Variants in PTP4A1 observed in about 807,000 individuals in gnomAD.
The protein encoded by PTP4A1 is protein tyrosine phosphatase 4A1.
Under a neutral mutation model 20.5 loss-of-function variants are expected in PTP4A1, and 9 were observed. The observed-to-expected ratio is 0.44, with a 90% confidence interval of 0.26 to 0.77. PTP4A1 has a LOEUF of 0.77. PTP4A1 is among the 30% of genes least tolerant of loss of function. The probability of loss-of-function intolerance (pLI) is 0.19; values close to 1 mark genes in which losing one functional copy is unlikely to be tolerated. For missense variants in PTP4A1, 137 were observed against 218.8 expected (o/e 0.63, Z 2.36); for synonymous variants, 78 against 67.4 (o/e 1.16, Z -0.77).
upstream of PTP4A1, chr6:63,571,239 A>G (rs900890457): frequency 3.3e-5 from 5 of 152,220 alleles, no homozygotes; most frequent in Admixed American, 3.3e-4. Flanking sequence ...GTCTCTAAAT[A>G]GAAGTTCTAA....
chr6:63,568,197 T>A (rs756059445), upstream of PTP4A1, among the ~76,000 whole-genome samples: 3 of 152,244 alleles, frequency 2.0e-5, no homozygotes, highest in Non-Finnish European at 4.4e-5. Context: ...CTTGACTGTT[T>A]TGGGTATGAG....
At chr6:63,556,600 G>A (rs1270392022) in intron 3 of PTP4A1, among the ~76,000 whole-genome samples, 3 of 152,160 alleles carry the variant, frequency 2.0e-5, no homozygotes, top group Non-Finnish European at 4.4e-5. Context: ...GATACCACAG[G>A]GGAAGTTAAG....
intron 2 of PTP4A1, among the ~76,000 whole-genome samples, chr6:63,529,802 T>C (rs528556414): frequency 1.3e-5 from 2 of 152,228 alleles, no homozygotes; most frequent in South Asian, 4.1e-4. Flanking sequence ...CCACATCCTA[T>C]ATTGGCAAAA....
At chr6:63,578,652 TATA>T in intron 3 of PTP4A1, 123 bp downstream of exon 3, 1 of 1,342,220 alleles carries the variant, frequency 7.5e-7, no homozygotes, top group Non-Finnish European at 9.9e-7. Flanking sequence ...AAACAAATAT[TATA>T]TTATTGTGCA....
intron 1 of PTP4A1, among the ~76,000 whole-genome samples, chr6:63,525,054 A>G (rs1370963403): frequency 1.3e-5 from 2 of 152,254 alleles, no homozygotes; most frequent in Admixed American, 6.5e-5. Context: ...TAGACAGACT[A>G]GAGCAGCATT....
chr6:63,570,001 G>A (rs1777350761), upstream of PTP4A1, among the ~76,000 whole-genome samples: 1 of 152,196 alleles, frequency 6.6e-6, no homozygotes, highest in South Asian at 2.1e-4. Flanking sequence ...CCTCAGCATA[G>A]CAGTGAACCA....
intron 3 of PTP4A1, among the ~76,000 whole-genome samples, chr6:63,557,328 G>C (rs1338331951): frequency 6.6e-6 from 1 of 152,174 alleles, no homozygotes; most frequent in Non-Finnish European, 1.5e-5. Context: ...AACTTTGGGA[G>C]GCCAATGCAG....
chr6:63,517,768 C>G (rs1240471671), upstream of PTP4A1, among the ~76,000 whole-genome samples: 1 of 152,218 alleles, frequency 6.6e-6, no homozygotes, highest in Non-Finnish European at 1.5e-5. Context: ...CAGCCTTCCT[C>G]TGCTTCCAAA....
intron 2 of PTP4A1, chr6:63,549,374 G>GAA: frequency 1.3e-6 from 1 of 753,950 alleles, no homozygotes; most frequent in East Asian, 2.4e-5. Context: ...CTTTTGGGCT[G>GAA]AATGTCCTGT....
intron 2 of PTP4A1, chr6:63,548,850 C>T: frequency 2.6e-6 from 2 of 760,052 alleles, no homozygotes; most frequent in Non-Finnish European, 4.8e-6. Context: ...CCTGATAGCT[C>T]CCACTAGCTT....
At chr6:63,536,154 A>T (rs1775717297) in intron 2 of PTP4A1, among the ~76,000 whole-genome samples, 2 of 152,218 alleles carry the variant, frequency 1.3e-5, no homozygotes, top group South Asian at 4.1e-4. Context: ...CAACAAGATG[A>T]AACCACGTCT....
At chr6:63,564,942 A>G (rs754196166) in intron 3 of PTP4A1, among the ~76,000 whole-genome samples, 2 of 152,228 alleles carry the variant, frequency 1.3e-5, no homozygotes, top group Admixed American at 6.5e-5. Flanking sequence ...TCAGTGCCCC[A>G]AGGAAATGGT....
At chr6:63,516,928 A>G (rs781192571), upstream of PTP4A1, among the ~76,000 whole-genome samples, 7 of 152,186 alleles carry the variant, frequency 4.6e-5, no homozygotes, top group South Asian at 2.1e-4. Context: ...AGTCTCTGCC[A>G]CCGTATCATA....
At chr6:63,523,797 T>C (rs529405581) in intron 1 of PTP4A1, among the ~76,000 whole-genome samples, 1 of 152,246 alleles carries the variant, frequency 6.6e-6, no homozygotes, top group Admixed American at 6.5e-5. Flanking sequence ...AGACAATTCT[T>C]CTTTCAGTGG....
At chr6:63,539,362 T>A (rs1581918940) in intron 2 of PTP4A1, among the ~76,000 whole-genome samples, 1 of 152,186 alleles carries the variant, frequency 6.6e-6, no homozygotes, top group Non-Finnish European at 1.5e-5. Context: ...ATCCTCTGTA[T>A]CTCCCTCCAG....
upstream of PTP4A1, among the ~76,000 whole-genome samples, chr6:63,520,004 A>G (rs143677842): frequency 2.4e-3 from 363 of 152,350 alleles, 3 homozygotes; most frequent in Middle Eastern, 0.02. Flanking sequence ...GATTTAATGT[A>G]TCATCTACCT....
At chr6:63,558,417 G>A (rs67125777) in intron 3 of PTP4A1, among the ~76,000 whole-genome samples, 11,421 of 152,190 alleles carry the variant, frequency 0.075, 480 homozygotes, top group East Asian at 0.16. Context: ...ATAGAATGTG[G>A]TAGCCAGTCA....
chr6:63,574,436 CG>C (rs1777715072), intron 1 of PTP4A1, among the ~76,000 whole-genome samples: 1 of 152,030 alleles, frequency 6.6e-6, no homozygotes, highest in Admixed American at 6.6e-5. Context: ...GTGTCTTGGG[CG>C]GAACAGAAAT....
At chr6:63,518,960 C>T (rs1437861875), upstream of PTP4A1, among the ~76,000 whole-genome samples, 4 of 152,152 alleles carry the variant, frequency 2.6e-5, no homozygotes, top group Non-Finnish European at 5.9e-5. Context: ...GGGTAGCACC[C>T]TCTTAACCAT....
Sources: allele counts gnomAD v4.1 joint callset (sites outside exome capture counted in the v4.1 genomes callset), GRCh38; gene constraint gnomAD v4.1.1; transcripts MANE v1.5; gene names NCBI Gene and HGNC (gene_info 2026-07-23, HGNC 2026-07-21).